STXBP5L: variants seen among roughly 807,000 people sequenced by gnomAD.
The protein encoded by STXBP5L is syntaxin binding protein 5L, also known as syntaxin-binding protein 5-like.
STXBP5L carries 65 observed loss-of-function variants against 144.5 expected under a neutral mutation model. The observed-to-expected ratio is 0.45, with a 90% CI of 0.37 to 0.55. The LOEUF (loss-of-function observed/expected upper bound fraction) is 0.55. Among genes scored for constraint, STXBP5L ranks in the 20% least tolerant of loss-of-function variants. STXBP5L has a pLI of 0.00. For synonymous variants in STXBP5L, 505 were observed against 469.6 expected (o/e 1.08, Z -0.97); for missense variants, 1,298 against 1,405.5 (o/e 0.92, Z 1.22).
At chr3:121,221,535 G>T (rs1461342874) in intron 10 of STXBP5L, among the ~76,000 whole-genome samples, 1 of 150,594 alleles carries the variant, frequency 6.6e-6, no homozygotes, top group Non-Finnish European at 1.5e-5. Flanking sequence ...GCCTTTTTTT[G>T]CAAAACAGAG....
chr3:121,180,653 T>A (rs2047104750), intron 9 of STXBP5L, among the ~76,000 whole-genome samples: 1 of 152,128 alleles, frequency 6.6e-6, no homozygotes, highest in Admixed American at 6.5e-5. Flanking sequence ...GGCAGGTGGA[T>A]CACTTGAGTT....
chr3:121,172,910 G>A (rs1336706421), intron 9 of STXBP5L, among the ~76,000 whole-genome samples: 1 of 152,124 alleles, frequency 6.6e-6, no homozygotes, highest in Non-Finnish European at 1.5e-5. Flanking sequence ...GCTCACAATA[G>A]CAAATACTTG....
chr3:121,289,932 G>A lies in STXBP5L; in HGVS notation c.2110+9976G>A, dbSNP rs149096127. 3.0e-3 allele frequency among the ~76,000 whole-genome samples: 463 copies of A among 152,162 alleles called. 3 individuals carry two copies. Among genetic ancestry groups the A allele is most frequent in the African/African-American group, 0.01 (432 of 41,536 alleles). Reference sequence around the variant, plus strand: ...AGCAGTGCTAAGAGGAGAGTTCATAGCATTAATGCCTACATCAAAAAGTCT... The same window carrying A: ...AGCAGTGCTAAGAGGAGAGTTCATAACATTAATGCCTACATCAAAAAGTCT... On this transcript the variant is annotated intron_variant, in intron 19 of 26. Transcript: ENST00000471454.
rs2047387404 is a variant in STXBP5L at position 121,423,063 on chromosome 3, T to C, written c.*3966T>C. 1 of 151,908 alleles carries C rather than the reference T, an allele frequency of 6.6e-6. No homozygotes were observed. Among genetic ancestry groups the C allele is most frequent in the Non-Finnish European group, 1.5e-5 (1 of 67,988 alleles). 9.4% of individuals were successfully genotyped at this position (151,908 alleles called of 1,614,324 possible). ...TAGGATCATTGGGTCAAACTGGGAGTATATCTGTGTGATTACAACCTGCTG... is the reference window on the plus strand; with the variant it reads ...TAGGATCATTGGGTCAAACTGGGAGCATATCTGTGTGATTACAACCTGCTG... On this transcript the variant is annotated 3_prime_UTR_variant, in exon 27 of 27. Transcript: ENST00000471454.
chr3:120,972,662 GC>G (rs965828811), intron 3 of STXBP5L, among the ~76,000 whole-genome samples: 1 of 152,062 alleles, frequency 6.6e-6, no homozygotes, highest in Non-Finnish European at 1.5e-5. Context: ...TAGGGGGAAT[GC>G]TTTCAACTCT....
intron 3 of STXBP5L, among the ~76,000 whole-genome samples, chr3:121,001,529 T>C (rs1943776856): frequency 6.6e-6 from 1 of 152,178 alleles, no homozygotes; most frequent in Non-Finnish European, 1.5e-5. Flanking sequence ...CGTCAAACCC[T>C]CTGGGCTTTG....
chr3:121,297,185 G>T (rs1308288209), intron 19 of STXBP5L, among the ~76,000 whole-genome samples: 1 of 142,220 alleles, frequency 7.0e-6, no homozygotes, highest in African/African-American at 2.6e-5. Context: ...AGCAGAATCT[G>T]AATGATTCTA....
intron 14 of STXBP5L, among the ~76,000 whole-genome samples, chr3:121,247,783 G>A (rs1054257484): frequency 1.3e-5 from 2 of 152,162 alleles, no homozygotes; most frequent in Non-Finnish European, 2.9e-5. Context: ...GAACATATGA[G>A]TGCATGTGCC....
chr3:121,132,877 C>T (rs190802066), intron 7 of STXBP5L, among the ~76,000 whole-genome samples: 18 of 151,898 alleles, frequency 1.2e-4, no homozygotes, highest in Middle Eastern at 3.4e-3. Flanking sequence ...TAGCAGGCTA[C>T]ATAAAGTAGA....
intron 3 of STXBP5L, among the ~76,000 whole-genome samples, chr3:121,011,584 A>T (rs1179388817): frequency 6.6e-6 from 1 of 151,638 alleles, no homozygotes; most frequent in African/African-American, 2.4e-5. Context: ...TACTTAGAAA[A>T]TACTTAGAAT....
intron 3 of STXBP5L, among the ~76,000 whole-genome samples, chr3:120,960,270 A>G (rs2107730862): frequency 6.6e-6 from 1 of 152,216 alleles, no homozygotes; most frequent in Admixed American, 6.5e-5. Context: ...CAGGTGCTGG[A>G]GAGGATGTGG....
chr3:121,203,136 A>T (rs1284142993), intron 9 of STXBP5L, among the ~76,000 whole-genome samples: 2 of 151,686 alleles, frequency 1.3e-5, no homozygotes, highest in East Asian at 1.9e-4. Context: ...TTACACCCTC[A>T]AAATTGCTCT....
chr3:121,346,007 G>A (rs934894831), intron 20 of STXBP5L, among the ~76,000 whole-genome samples: 1 of 151,674 alleles, frequency 6.6e-6, no homozygotes, highest in Non-Finnish European at 1.5e-5. Context: ...ACAACGTGCG[G>A]GTTTGTTGCA....
intron 2 of STXBP5L, among the ~76,000 whole-genome samples, chr3:120,920,395 T>C (rs185926041): frequency 1.3e-4 from 19 of 151,924 alleles, no homozygotes; most frequent in Admixed American, 1.1e-3. Flanking sequence ...CACATATTTT[T>C]GGGGTACATA....
chr3:121,187,566 A>C (rs1182172517), intron 9 of STXBP5L, among the ~76,000 whole-genome samples: 2 of 149,800 alleles, frequency 1.3e-5, no homozygotes, highest in African/African-American at 4.9e-5. Flanking sequence ...AATAAAAATA[A>C]AAAATGAAAA....
intron 9 of STXBP5L, among the ~76,000 whole-genome samples, chr3:121,195,102 A>G (rs2047867712): frequency 6.6e-6 from 1 of 151,522 alleles, no homozygotes; most frequent in South Asian, 2.1e-4. Flanking sequence ...TTTTTTTAAT[A>G]CAAAATTTAG....
intron 20 of STXBP5L, among the ~76,000 whole-genome samples, chr3:121,323,807 AG>A (rs1345883673): frequency 2.0e-5 from 3 of 152,080 alleles, no homozygotes; most frequent in Non-Finnish European, 2.9e-5. Flanking sequence ...GAGGGTGAGT[AG>A]GTGCTAACAA....
chr3:121,042,933 G>A (rs1233183301), intron 4 of STXBP5L, among the ~76,000 whole-genome samples: 1 of 151,712 alleles, frequency 6.6e-6, no homozygotes, highest in African/African-American at 2.4e-5. Flanking sequence ...CGAGGTCTCA[G>A]TGATACTCTG....
chr3:121,153,802 A>C (rs926349307), intron 8 of STXBP5L, among the ~76,000 whole-genome samples: 1 of 151,938 alleles, frequency 6.6e-6, no homozygotes, highest in South Asian at 2.1e-4. Flanking sequence ...AATATCATGC[A>C]GTTATGTTCT....
Sources: gnomAD v4.1 joint callset for allele counts (sites outside exome capture counted in the v4.1 genomes callset) on GRCh38, gnomAD v4.1.1 for gene constraint, MANE v1.5 for transcripts, NCBI Gene and HGNC (gene_info 2026-07-23, HGNC 2026-07-21) for gene names.